The following MCOLN2 variants were observed in gnomAD, a reference collection of about 807,000 sequenced individuals.
MCOLN2 encodes mucolipin TRP cation channel 2, also known as mucolipin-2.
A neutral mutation model predicts 67.5 loss-of-function variants in MCOLN2; 57 were observed. The observed-to-expected ratio is 0.84, with a 90% CI of 0.68 to 1.05. The LOEUF is 1.05. Among genes scored for constraint, MCOLN2 ranks in the 50% least tolerant of loss-of-function variants. The pLI is 0.00. For synonymous variants in MCOLN2, 246 were observed against 233.3 expected, an observed-to-expected ratio of 1.05 and a Z score of -0.50; for missense variants, 620 against 678.8, an observed-to-expected ratio of 0.91 and a Z score of 0.96.
intron 11 of MCOLN2, among the ~76,000 whole-genome samples, chr1:84,934,689 G>GA (rs967597017): frequency 3.9e-5 from 6 of 151,940 alleles, no homozygotes; most frequent in African/African-American, 1.5e-4. Context: ...TTCCTCACAG[G>GA]AAAAAAAGTC....
rs530316101 is a variant in MCOLN2, at chr1:84,996,935, C to T, written c.-63G>A. On this transcript the variant is annotated 5_prime_UTR_variant, in exon 1 of 14. Transcript: ENST00000370608. Reference sequence around the variant, plus strand: ...CGGAACAGGAAACACCGTTCACGGCCGACTCATTTCGCCCTCGCCGTAACG... The same window carrying T: ...CGGAACAGGAAACACCGTTCACGGCTGACTCATTTCGCCCTCGCCGTAACG... 2.1e-6 allele frequency: 3 copies of T among 1,438,256 alleles called. No homozygotes were observed. In the East Asian group the frequency reaches 6.9e-5, roughly 33 times the overall value. The allele number at this position is 1,438,256 out of a possible 1,614,324, so 89.1% of individuals were successfully genotyped here.
chr1:84,948,925 G>A (rs753925106), intron 6 of MCOLN2, among the ~76,000 whole-genome samples: 2 of 152,128 alleles, frequency 1.3e-5, no homozygotes, highest in African/African-American at 4.8e-5. Context: ...AGGTCAGGAG[G>A]TTGAGACCAG....
intron 1 of MCOLN2, among the ~76,000 whole-genome samples, chr1:84,976,786 C>T (rs1009228174): frequency 6.6e-6 from 1 of 152,012 alleles, no homozygotes; most frequent in Non-Finnish European, 1.5e-5. Context: ...TTTTCCCAGA[C>T]AAACAAAAGC....
intron 11 of MCOLN2, among the ~76,000 whole-genome samples, chr1:84,932,107 G>A (rs1647215942): frequency 6.6e-6 from 1 of 151,808 alleles, no homozygotes; most frequent in Non-Finnish European, 1.5e-5. Flanking sequence ...TTTTCCCTAT[G>A]TACTTTTTAT....
chr1:84,956,920 G>T (rs901950057), intron 3 of MCOLN2, among the ~76,000 whole-genome samples: 1 of 152,072 alleles, frequency 6.6e-6, no homozygotes. Flanking sequence ...GAGCTCACAC[G>T]CATATTTTTG....
intron 1 of MCOLN2, among the ~76,000 whole-genome samples, chr1:84,994,749 C>T (rs1481523890): frequency 6.6e-6 from 1 of 152,154 alleles, no homozygotes; most frequent in East Asian, 1.9e-4. Flanking sequence ...TGTTTTGCTT[C>T]CTTATCATTT....
At chr1:84,973,464 G>A (rs679167) in intron 1 of MCOLN2, among the ~76,000 whole-genome samples, 74,679 of 151,886 alleles carry the variant, frequency 0.49, 18,589 homozygotes, top group East Asian at 0.64. Flanking sequence ...GACAACAGAA[G>A]GAGATCCTGT....
intron 1 of MCOLN2, among the ~76,000 whole-genome samples, chr1:84,995,809 A>T (rs1320945357): frequency 6.6e-6 from 1 of 151,870 alleles, no homozygotes; most frequent in African/African-American, 2.4e-5. Context: ...ATTTTTTTAA[A>T]AAAAAACACT....
chr1:84,958,534 T>G lies in MCOLN2; in HGVS notation c.406A>C (p.Asn136His), dbSNP rs771350328. 1.2e-6 allele frequency: 2 copies of G among 1,601,132 alleles called. No homozygotes were observed. The highest frequency in any genetic ancestry group is 1.7e-6 in the Non-Finnish European group (2 of 1,177,306). ...DAYESIFFAINQYHQLKDITL... is the reference protein window; with the variant it reads ...DAYESIFFAIHQYHQLKDITL... ...ATTCACAACAAAACACTTGCCTGATTAATAGCAAAAAAGATGCTCTCATAG... is the reference window on the plus strand; with the variant it reads ...ATTCACAACAAAACACTTGCCTGATGAATAGCAAAAAAGATGCTCTCATAG... The change falls in exon 3 of 14, where the codon AAT becomes CAT. Residue 136 changes from asparagine to histidine, a missense_variant. Transcript: ENST00000370608.
chr1:84,965,090 C>A (rs1449516217), intron 2 of MCOLN2, among the ~76,000 whole-genome samples: 2 of 152,152 alleles, frequency 1.3e-5, no homozygotes, highest in Non-Finnish European at 2.9e-5. Flanking sequence ...CGAACTTGAA[C>A]AAAAGGTCTA....
chr1:84,990,297 CAAAAAAAAAAAAAAAA>C (rs34226507), intron 1 of MCOLN2, among the ~76,000 whole-genome samples: 34 of 34,990 alleles, frequency 9.7e-4, no homozygotes, highest in African/African-American at 3.5e-3. Context: ...GACTCCATCT[CAAAAAAAAAAAAAAAA>C]AAAAAAAAAA....
At chr1:84,985,822 G>A (rs1466523405) in intron 1 of MCOLN2, among the ~76,000 whole-genome samples, 1 of 152,082 alleles carries the variant, frequency 6.6e-6, no homozygotes, top group African/African-American at 2.4e-5. Flanking sequence ...CACATCCCAC[G>A]CTCATGGATG....
intron 2 of MCOLN2, 149 bp downstream of exon 2, chr1:84,965,400 A>G: frequency 1.3e-6 from 1 of 767,234 alleles, no homozygotes. Context: ...CAGAACTTCA[A>G]CCTAGCCTCT....
At chr1:84,973,585 C>T (rs74689037) in intron 1 of MCOLN2, among the ~76,000 whole-genome samples, 20,567 of 151,980 alleles carry the variant, frequency 0.14, 1,680 homozygotes, top group East Asian at 0.26. Flanking sequence ...CATGGTGGTA[C>T]CCCCATTGAT....
At chr1:84,946,633 A>G (rs1648126314) in intron 7 of MCOLN2, among the ~76,000 whole-genome samples, 1 of 152,186 alleles carries the variant, frequency 6.6e-6, no homozygotes, top group Non-Finnish European at 1.5e-5. Flanking sequence ...CAAATGTTTC[A>G]AATTTTAGAG....
At chr1:84,981,520 G>A (rs896903980) in intron 1 of MCOLN2, among the ~76,000 whole-genome samples, 44 of 152,162 alleles carry the variant, frequency 2.9e-4, no homozygotes, top group African/African-American at 1.0e-3. Flanking sequence ...GATGGAACTG[G>A]CGATCATTAT....
At chr1:84,987,560 G>A (rs191547272) in intron 1 of MCOLN2, among the ~76,000 whole-genome samples, 14 of 87,650 alleles carry the variant, frequency 1.6e-4, no homozygotes, top group Non-Finnish European at 2.0e-4. Flanking sequence ...ATACATCTAT[G>A]TATACATAGA....
intron 9 of MCOLN2, 82 bp downstream of exon 9, chr1:84,939,470 CT>C: frequency 7.3e-7 from 1 of 1,366,232 alleles, no homozygotes; most frequent in South Asian, 1.3e-5. Context: ...TCAAAGTGGT[CT>C]CCAAAGGATG....
At chr1:84,941,794 A>G (rs1647801792) in intron 7 of MCOLN2, among the ~76,000 whole-genome samples, 1 of 152,214 alleles carries the variant, frequency 6.6e-6, no homozygotes, top group Non-Finnish European at 1.5e-5. Context: ...TGCCAATCTT[A>G]TAAGCCTTCT....
Sources: gnomAD v4.1 joint callset for allele counts (sites outside exome capture counted in the v4.1 genomes callset) on GRCh38, gnomAD v4.1.1 for gene constraint, MANE v1.5 for transcripts, NCBI Gene and HGNC (gene_info 2026-07-23, HGNC 2026-07-21) for gene names.